Variants in ZNF124 observed in about 807,000 individuals in gnomAD.
The protein encoded by ZNF124 is zinc finger protein 124.
Under a neutral mutation model 26.6 loss-of-function variants are expected in ZNF124, and 25 were observed. That is an observed-to-expected ratio of 0.94 (90% CI 0.68 to 1.31). The LOEUF (loss-of-function observed/expected upper bound fraction) is 1.31, where lower values mean the gene tolerates loss of function less well. ZNF124 is among the 40% of genes most tolerant of loss of function. The pLI, the probability that ZNF124 is intolerant of heterozygous loss-of-function variation, is 0.00. For missense variants in ZNF124, 444 were observed against 422.2 expected, an observed-to-expected ratio of 1.05 and a Z score of -0.45; for synonymous variants, 129 against 133.3, an observed-to-expected ratio of 0.97 and a Z score of 0.22.
chr1:247,132,240 T>TCAACAACAACAA (rs3039533), intron 3 of ZNF124, among the ~76,000 whole-genome samples: 11 of 151,802 alleles, frequency 7.2e-5, no homozygotes, highest in Admixed American at 3.3e-4. Context: ...GACAACAGTG[T>TCAACAACAACAA]CAACAACAAC....
intron 3 of ZNF124, among the ~76,000 whole-genome samples, chr1:247,133,820 G>GT (rs1226942037): frequency 2.0e-5 from 3 of 151,786 alleles, no homozygotes; most frequent in Non-Finnish European, 4.4e-5. Flanking sequence ...TGCCCGGCAA[G>GT]TTTTTTGTGT....
rs780745351 is a variant in ZNF124, at chr1:247,159,765, ACTC to A, written c.76_78del (p.Glu26del). The A allele has an allele frequency of 2.5e-6, 4 of 1,613,316 alleles. No homozygotes were observed. In the East Asian group the frequency reaches 8.9e-5, roughly 36 times the overall value. On this transcript the variant is annotated inframe_deletion, in exon 2 of 4. Transcript: ENST00000543802. ...TTCTGGGAAGGATCCAACAAAGCCC[ACTC>A]CTCCTGGGTGAAGTTCACAGCCACA...
chr1:247,151,373 G>C (rs1052843113), downstream of ZNF124, among the ~76,000 whole-genome samples: 2 of 151,968 alleles, frequency 1.3e-5, no homozygotes, highest in African/African-American at 4.8e-5. Flanking sequence ...CAGCTACTCG[G>C]GAGGCTGAGG....
At chr1:247,143,980 A>G (rs1229394976) in intron 3 of ZNF124, among the ~76,000 whole-genome samples, 1 of 152,230 alleles carries the variant, frequency 6.6e-6, no homozygotes, top group Admixed American at 6.5e-5. Context: ...GAGAGATAGA[A>G]CAATCCCAAA....
intron 3 of ZNF124, among the ~76,000 whole-genome samples, chr1:247,144,194 T>C (rs541598461): frequency 6.6e-6 from 1 of 152,348 alleles, no homozygotes; most frequent in Admixed American, 6.5e-5. Flanking sequence ...TTGTTTACTC[T>C]GCGGGTTTCG....
downstream of ZNF124, among the ~76,000 whole-genome samples, chr1:247,152,051 CCG>C (rs1672962119): frequency 7.5e-6 from 1 of 132,910 alleles, no homozygotes; most frequent in Non-Finnish European, 1.6e-5. Flanking sequence ...TCCCCACCCC[CCG>C]CTTTTTTTTT....
intron 3 of ZNF124, among the ~76,000 whole-genome samples, chr1:247,128,635 T>G (rs1237056157): frequency 6.6e-6 from 1 of 151,524 alleles, no homozygotes; most frequent in Non-Finnish European, 1.5e-5. Flanking sequence ...TTTTTTTCTC[T>G]TACCCCCGTT....
chr1:247,161,361 G>A (rs1345016661), intron 1 of ZNF124, among the ~76,000 whole-genome samples: 1 of 152,086 alleles, frequency 6.6e-6, no homozygotes, highest in African/African-American at 2.4e-5. Flanking sequence ...AAGCTAACCG[G>A]TATTTAATTG....
chr1:247,154,122 A>G (rs1283004199), downstream of ZNF124, among the ~76,000 whole-genome samples: 3 of 146,184 alleles, frequency 2.1e-5, no homozygotes, highest in Admixed American at 6.6e-5. Flanking sequence ...TGTGTGACAC[A>G]CACACACACA....
At chr1:247,124,828 C>T (rs1437753587) in intron 3 of ZNF124, among the ~76,000 whole-genome samples, 4 of 152,120 alleles carry the variant, frequency 2.6e-5, no homozygotes, top group African/African-American at 7.2e-5. Flanking sequence ...GACAGGGTCT[C>T]GCTCTGTCAC....
chr1:247,169,711 A>C (rs1294035245), intron 1 of ZNF124, among the ~76,000 whole-genome samples: 1 of 148,430 alleles, frequency 6.7e-6, no homozygotes, highest in East Asian at 2.0e-4. Flanking sequence ...CACAAGCATG[A>C]GACAATCCAG....
intron 3 of ZNF124, chr1:247,138,010 A>T (rs895224374): frequency 6.6e-5 from 10 of 152,224 alleles, no homozygotes; most frequent in African/African-American, 2.4e-4. Flanking sequence ...GTTGGTGGGA[A>T]TGTAAATTAG....
chr1:247,135,193 CTAAGA>C (rs542489456), intron 3 of ZNF124, among the ~76,000 whole-genome samples: 151 of 151,722 alleles, frequency 1.0e-3, no homozygotes, highest in African/African-American at 3.5e-3. Flanking sequence ...CAAGAAAGAA[CTAAGA>C]TAAGAACTGA....
intron 3 of ZNF124, among the ~76,000 whole-genome samples, chr1:247,142,841 C>CTTT (rs56080219): frequency 9.0e-5 from 13 of 143,774 alleles, no homozygotes; most frequent in African/African-American, 1.5e-4. Flanking sequence ...CAGGTATTGT[C>CTTT]TTTTTTTTTT....
chr1:247,125,811 G>A (rs1029290053), intron 3 of ZNF124, among the ~76,000 whole-genome samples: 1 of 152,202 alleles, frequency 6.6e-6, no homozygotes, highest in Non-Finnish European at 1.5e-5. Flanking sequence ...AAACAGCATA[G>A]AATTCACCCA....
intron 3 of ZNF124, among the ~76,000 whole-genome samples, chr1:247,135,716 G>C (rs878971588): frequency 6.6e-6 from 1 of 152,036 alleles, no homozygotes; most frequent in African/African-American, 2.4e-5. Context: ...ACCTGGCAGA[G>C]ACACAACAAA....
chr1:247,156,443 ATTCGT>A lies in ZNF124; in HGVS notation c.*118_*122del. The A allele has an allele frequency of 7.4e-7, 1 of 1,342,386 alleles. No individual in the cohort carries two copies. The highest frequency in any genetic ancestry group is 9.6e-7 in the Non-Finnish European group (1 of 1,046,984). 83.2% of individuals were successfully genotyped at this position (1,342,386 alleles called of 1,614,324 possible). On this transcript the variant is annotated 3_prime_UTR_variant, in exon 4 of 4. Coordinates refer to ENST00000543802, the MANE Select transcript of ZNF124 (RefSeq NM_001297568.2). ...AGTCATAGGGTTTATCTCCAGTTTGATTCGTTTCATGTATTTGAGGAAATCTGGGA... is the reference window on the plus strand; with the variant it reads ...AGTCATAGGGTTTATCTCCAGTTTGATTCATGTATTTGAGGAAATCTGGGA...
At chr1:247,170,351 T>G (rs200886300) in intron 1 of ZNF124, among the ~76,000 whole-genome samples, 78 of 148,206 alleles carry the variant, frequency 5.3e-4, no homozygotes, top group African/African-American at 8.4e-4. Context: ...ATTGGAGAGG[T>G]GAAGTTGGAG....
At chr1:247,123,777 G>C (rs967185023) in exon 4 of ZNF124, 1 of 696,390 alleles carries the variant, frequency 1.4e-6, no homozygotes, top group East Asian at 2.7e-5. Context: ...ATGGGCTTTG[G>C]AGTCACGAAG....
Sources: gnomAD v4.1 joint callset for allele counts (sites outside exome capture counted in the v4.1 genomes callset) on GRCh38, gnomAD v4.1.1 for gene constraint, MANE v1.5 for transcripts, NCBI Gene and HGNC (gene_info 2026-07-23, HGNC 2026-07-21) for gene names.